The following PDE8B variants were observed in gnomAD, a reference collection of about 807,000 sequenced individuals.
The protein encoded by PDE8B is high affinity cAMP-specific and IBMX-insensitive 3',5'-cyclic phosphodiesterase 8B.
In PDE8B, 26 loss-of-function variants were observed where a neutral mutation model predicts 101.3. That is an observed-to-expected ratio of 0.26 (90% CI 0.19 to 0.36). The LOEUF (loss-of-function observed/expected upper bound fraction) is 0.36, where lower values mean the gene tolerates loss of function less well. Ranked by LOEUF, PDE8B falls within the 10% of genes least tolerant of loss-of-function variation. PDE8B has a pLI of 1.00. For missense variants in PDE8B, 810 were observed against 1,163.1 expected, an observed-to-expected ratio of 0.70 and a Z score of 4.42; for synonymous variants, 424 against 429.3, an observed-to-expected ratio of 0.99 and a Z score of 0.15.
chr5:77,234,099 G>A (rs368634849), intron 1 of PDE8B, among the ~76,000 whole-genome samples: 1 of 152,082 alleles, frequency 6.6e-6, no homozygotes, highest in African/African-American at 2.4e-5. Context: ...ATTCCATCTG[G>A]CAGCCATACT....
intron 9 of PDE8B, among the ~76,000 whole-genome samples, chr5:77,351,450 A>G (rs1781105155): frequency 6.6e-6 from 1 of 152,056 alleles, no homozygotes; most frequent in Admixed American, 6.5e-5. Context: ...CCCCATAACA[A>G]CAATGATCTC....
At chr5:77,156,982 G>C in the PDE8B span, among the ~76,000 whole-genome samples, 4 of 152,106 alleles carry the variant, frequency 2.6e-5, no homozygotes, top group Middle Eastern at 3.2e-3. Flanking sequence ...AAAAGCATAT[G>C]GTCTCTCCCA....
the PDE8B span, chr5:77,151,750 C>T: frequency 6.6e-6 from 1 of 152,270 alleles, no homozygotes; most frequent in Non-Finnish European, 1.5e-5. Flanking sequence ...TTCACCACCA[C>T]TCCCCACTGT....
At chr5:77,128,008 C>G in the PDE8B span, among the ~76,000 whole-genome samples, 1 of 152,188 alleles carries the variant, frequency 6.6e-6, no homozygotes, top group Non-Finnish European at 1.5e-5. Context: ...AACCATTGCT[C>G]TATTTCACCG....
At chr5:77,187,326 T>C in the PDE8B span, among the ~76,000 whole-genome samples, 5 of 152,236 alleles carry the variant, frequency 3.3e-5, no homozygotes, top group East Asian at 9.6e-4. Context: ...TTTTGCAAAG[T>C]AGCAGCCAAG....
At chr5:77,124,505 T>G in the PDE8B span, among the ~76,000 whole-genome samples, 1 of 151,650 alleles carries the variant, frequency 6.6e-6, no homozygotes, top group Non-Finnish European at 1.5e-5. Context: ...GAGGATCGCC[T>G]GAGCTGAGGA....
intron 1 of PDE8B, among the ~76,000 whole-genome samples, chr5:77,243,704 T>G (rs1320581371): frequency 2.0e-5 from 3 of 152,228 alleles, no homozygotes; most frequent in Non-Finnish European, 4.4e-5. Flanking sequence ...CTAAGTGGTG[T>G]TCTACTATAT....
At position 77,413,214 on chromosome 5, in the gene PDE8B, G is replaced by A; in HGVS notation, c.1816G>A (p.Ala606Thr). 6.2e-7 allele frequency: 1 copy of A among 1,614,040 alleles called. No homozygotes were observed. The highest frequency in any genetic ancestry group is 2.2e-5 in the East Asian group (1 of 44,886). ...TCGGGCCTGGTTCCAAGTGATCGAAGCCAACTACCACTCTTCCAATGCCTA... is the reference window on the plus strand; with the variant it reads ...TCGGGCCTGGTTCCAAGTGATCGAAACCAACTACCACTCTTCCAATGCCTA... ...TLRAWFQVIE[A>T]NYHSSNAYHN... The change falls in exon 17 of 22, where the codon GCC (alanine) becomes ACC (threonine). Residue 606 changes from alanine to threonine, a missense_variant. Ala to Thr is a moderately conservative substitution (Grantham distance 58). This residue lies in a region of PDE8B where 325 missense variants were observed against 560.9 expected (regional missense o/e 0.58). Coordinates refer to ENST00000264917, the MANE Select transcript of PDE8B (RefSeq NM_003719.5).
At chr5:77,421,297 TG>T (rs1796584986) in intron 19 of PDE8B, among the ~76,000 whole-genome samples, 1 of 151,694 alleles carries the variant, frequency 6.6e-6, no homozygotes, top group Non-Finnish European at 1.5e-5. Context: ...GAGAGTTGGG[TG>T]AGTTGGGGGT....
Position 77,369,661 on chromosome 5 carries a change from A to G in PDE8B, c.1167+16255A>G, listed in dbSNP as rs187466663. Among the ~76,000 whole-genome samples, 399 of 152,358 alleles carry G rather than the reference A, an allele frequency of 2.6e-3. 4 individuals carry two copies. Among genetic ancestry groups the G allele is most frequent in the Middle Eastern group, 0.01 (3 of 294 alleles). On this transcript the variant is annotated intron_variant, in intron 10 of 21. Coordinates refer to ENST00000264917, the MANE Select transcript of PDE8B (RefSeq NM_003719.5). ...AGATAGTATTATCCTTATTCAGCAG[A>G]TGAAGAAACTGATACTCAGAGAGCA... is the stretch of plus-strand genomic sequence containing the variant.
At chr5:77,291,560 C>T (rs1195747299) in intron 1 of PDE8B, 3 of 1,600,242 alleles carry the variant, frequency 1.9e-6, no homozygotes, top group African/African-American at 2.7e-5. Flanking sequence ...CAAGTAGCAA[C>T]TTTACCAAAG....
At chr5:77,288,932 A>T (rs1400198282) in intron 1 of PDE8B, among the ~76,000 whole-genome samples, 1 of 149,922 alleles carries the variant, frequency 6.7e-6, no homozygotes, top group Non-Finnish European at 1.5e-5. Context: ...GTCCAAGAAG[A>T]TTCTTCTCAT....
chr5:77,296,935 G>A (rs1033154298), intron 1 of PDE8B, among the ~76,000 whole-genome samples: 13 of 152,132 alleles, frequency 8.5e-5, no homozygotes, highest in African/African-American at 2.9e-4. Context: ...GTGATGGCAA[G>A]GTTTTAACTG....
intron 1 of PDE8B, among the ~76,000 whole-genome samples, chr5:77,262,192 T>TAA (rs5868861): frequency 4.3e-4 from 64 of 147,374 alleles, no homozygotes; most frequent in African/African-American, 1.5e-3. Context: ...GTGTGCCTGG[T>TAA]AAAAAAAAAA....
At chr5:77,316,542 T>C (rs1773805273) in intron 2 of PDE8B, among the ~76,000 whole-genome samples, 1 of 152,166 alleles carries the variant, frequency 6.6e-6, no homozygotes, top group South Asian at 2.1e-4. Context: ...TGAAATTATT[T>C]TTAATATGCT....
the PDE8B span, among the ~76,000 whole-genome samples, chr5:77,120,439 A>C: frequency 6.6e-6 from 1 of 152,254 alleles, no homozygotes; most frequent in African/African-American, 2.4e-5. Flanking sequence ...ATCATAAATG[A>C]ATACTGAAGT....
intron 6 of PDE8B, among the ~76,000 whole-genome samples, chr5:77,339,418 A>G (rs1218533561): frequency 6.6e-6 from 1 of 152,134 alleles, no homozygotes; most frequent in Non-Finnish European, 1.5e-5. Context: ...TTCTGCCTCA[A>G]CCTTATTCAA....
the PDE8B span, chr5:77,142,135 A>G: frequency 6.6e-6 from 1 of 152,224 alleles, no homozygotes; most frequent in Non-Finnish European, 1.5e-5. Flanking sequence ...CACTAAATTC[A>G]TGCTACTTGC....
chr5:77,158,960 G>A, the PDE8B span, among the ~76,000 whole-genome samples: 1 of 152,180 alleles, frequency 6.6e-6, no homozygotes, highest in African/African-American at 2.4e-5. Context: ...GGGAGTCAGG[G>A]AGCCTGAGCA....
Sources: gnomAD v4.1 joint callset for allele counts (sites outside exome capture counted in the v4.1 genomes callset) on GRCh38, gnomAD v4.1.1 for gene constraint, gnomAD v4.1.1 regional missense constraint, MANE v1.5 for transcripts, NCBI Gene and HGNC (gene_info 2026-07-23, HGNC 2026-07-21) for gene names.